Variants in NYAP2 observed in about 807,000 individuals in gnomAD.
NYAP2 encodes neuronal tyrosine-phosphorylated phosphoinositide-3-kinase adaptor 2, also known as neuronal tyrosine-phosphorylated phosphoinositide-3-kinase adapter 2.
In NYAP2, 23 loss-of-function variants were observed where a neutral mutation model predicts 50.4. That is an observed-to-expected ratio of 0.46 (90% CI 0.33 to 0.65). NYAP2 has a LOEUF of 0.65. NYAP2 is among the 30% of genes least tolerant of loss of function. The pLI is 0.02. For synonymous variants in NYAP2, 394 were observed against 365.2 expected, an observed-to-expected ratio of 1.08 and a Z score of -0.90; for missense variants, 885 against 861.0, an observed-to-expected ratio of 1.03 and a Z score of -0.35.
intron 5 of NYAP2, among the ~76,000 whole-genome samples, chr2:225,608,727 C>A (rs1233663837): frequency 6.6e-6 from 1 of 152,074 alleles, no homozygotes; most frequent in Non-Finnish European, 1.5e-5. Context: ...ACTTTCTCTA[C>A]CACACAGTGA....
chr2:225,664,041 C>T, the NYAP2 span, among the ~76,000 whole-genome samples: 1 of 152,230 alleles, frequency 6.6e-6, no homozygotes. Context: ...CCTTCTCTGT[C>T]TCTTCCCTGT....
rs535696722 is a variant in NYAP2 at position 225,479,066 on chromosome 2, G to C, written c.222-34305G>C. 7.2e-5 allele frequency among the ~76,000 whole-genome samples: 11 copies of C among 152,238 alleles called. No individual in the cohort carries two copies. In the South Asian group the frequency reaches 1.0e-3, roughly 14 times the overall value. On this transcript the variant is annotated intron_variant, in intron 3 of 6. Coordinates refer to ENST00000636099, the Ensembl canonical transcript of NYAP2. ...TAGCAGATGTGATTGAATATTGAGG[G>C]AGAAAAATATGTTCATATGTGACTT... is the stretch of plus-strand genomic sequence containing the variant.
At chr2:225,506,600 T>C (rs1690711422) in intron 3 of NYAP2, among the ~76,000 whole-genome samples, 1 of 152,156 alleles carries the variant, frequency 6.6e-6, no homozygotes, top group South Asian at 2.1e-4. Context: ...GGATGTTCAG[T>C]AGGCAGCACA....
chr2:225,644,079 A>G (rs1386716924), intron 6 of NYAP2, among the ~76,000 whole-genome samples: 4 of 149,666 alleles, frequency 2.7e-5, no homozygotes, highest in South Asian at 2.1e-4. Flanking sequence ...AAGTGTTCCT[A>G]TTTCTCCACA....
chr2:225,431,435 A>T (rs574400986), intron 3 of NYAP2, among the ~76,000 whole-genome samples: 2 of 152,304 alleles, frequency 1.3e-5, no homozygotes, highest in South Asian at 4.1e-4. Flanking sequence ...AAGGCAGCAG[A>T]TTTTACAAAC....
At chr2:225,652,208 C>T (rs1308874775) in exon 7 of NYAP2, 1 of 151,960 alleles carries the variant, frequency 6.6e-6, no homozygotes, top group Non-Finnish European at 1.5e-5. Flanking sequence ...TTTGACTGGC[C>T]AGACAAATTG....
chr2:225,649,924 G>A (rs907276089), intron 6 of NYAP2, among the ~76,000 whole-genome samples: 1 of 152,188 alleles, frequency 6.6e-6, no homozygotes, highest in Non-Finnish European at 1.5e-5. Flanking sequence ...TCCAAACCTT[G>A]TTTATTGTCT....
At chr2:225,572,883 TG>T (rs1395408896) in intron 4 of NYAP2, among the ~76,000 whole-genome samples, 1 of 152,182 alleles carries the variant, frequency 6.6e-6, no homozygotes, top group Non-Finnish European at 1.5e-5. Flanking sequence ...TCCATCCTTG[TG>T]GCTGGCGACC....
intron 5 of NYAP2, among the ~76,000 whole-genome samples, chr2:225,622,553 C>CTT (rs762567899): frequency 2.5e-5 from 1 of 40,756 alleles, no homozygotes; most frequent in Admixed American, 3.3e-4. Context: ...TTCTTTCTTT[C>CTT]TTTCTTTTTC....
chr2:225,572,125 C>A (rs568728411), intron 4 of NYAP2, among the ~76,000 whole-genome samples: 43 of 152,206 alleles, frequency 2.8e-4, no homozygotes, highest in Non-Finnish European at 5.4e-4. Context: ...GCATTTGGGT[C>A]AAAACCATTC....
intron 2 of NYAP2, among the ~76,000 whole-genome samples, chr2:225,406,457 A>G (rs980626209): frequency 6.6e-6 from 1 of 151,986 alleles, no homozygotes; most frequent in Non-Finnish European, 1.5e-5. Flanking sequence ...AGTCACAAGT[A>G]TTGCAATTAT....
chr2:225,473,684 A>G (rs1384798207), intron 3 of NYAP2, among the ~76,000 whole-genome samples: 3 of 151,928 alleles, frequency 2.0e-5, no homozygotes, highest in African/African-American at 7.3e-5. Context: ...AATTTGTTTG[A>G]GTTCTTTGTA....
In NYAP2 at chr2:225,511,367, C is replaced by G. The variant is rs868646030; in HGVS notation, c.222-2004C>G. On this transcript the variant is annotated intron_variant, in intron 3 of 6. Transcript: ENST00000636099. ...ACACACACACACACACACACACACA[C>G]ACACACAGAGAGAGAGAGAGAGAGA... Among the ~76,000 whole-genome samples, 390 of 136,968 alleles carry G rather than the reference C, an allele frequency of 2.8e-3. 1 individual carries two copies. The highest frequency in any genetic ancestry group is 6.5e-3 in the African/African-American group (225 of 34,816). 89.9% of individuals were successfully genotyped at this position (136,968 alleles called of 152,430 possible). A position where few individuals can be genotyped will look rare whatever the true frequency, so the allele number is the denominator to read the frequency against.
At chr2:225,692,020 T>C in the NYAP2 span, among the ~76,000 whole-genome samples, 1 of 152,132 alleles carries the variant, frequency 6.6e-6, no homozygotes, top group Non-Finnish European at 1.5e-5. Context: ...GCTGTGCCTA[T>C]TGTTCAAGAA....
chr2:225,686,006 T>C, the NYAP2 span, among the ~76,000 whole-genome samples: 2 of 152,144 alleles, frequency 1.3e-5, no homozygotes, highest in Non-Finnish European at 2.9e-5. Flanking sequence ...TTTCTTGTAG[T>C]TTTACCCGTA....
intron 4 of NYAP2, among the ~76,000 whole-genome samples, chr2:225,569,277 C>A (rs1692022471): frequency 6.6e-6 from 1 of 152,166 alleles, no homozygotes; most frequent in Non-Finnish European, 1.5e-5. Flanking sequence ...TTCAGTCTTT[C>A]TTTTTGCAAT....
At chr2:225,675,859 T>G in the NYAP2 span, among the ~76,000 whole-genome samples, 1 of 152,182 alleles carries the variant, frequency 6.6e-6, no homozygotes, top group East Asian at 1.9e-4. Context: ...AGATGGTAAC[T>G]CATCATGGTT....
intron 4 of NYAP2, among the ~76,000 whole-genome samples, chr2:225,554,597 C>G (rs1336054406): frequency 1.3e-5 from 2 of 152,026 alleles, no homozygotes; most frequent in Non-Finnish European, 2.9e-5. Context: ...GCTGGGATTA[C>G]AGGTGTGAGC....
intron 5 of NYAP2, among the ~76,000 whole-genome samples, chr2:225,596,927 A>G (rs1692609670): frequency 6.6e-6 from 1 of 152,212 alleles, no homozygotes; most frequent in Admixed American, 6.5e-5. Flanking sequence ...GTTAATTTTC[A>G]GAAGATGAAA....
Sources: gnomAD v4.1 joint callset for allele counts (sites outside exome capture counted in the v4.1 genomes callset) on GRCh38, gnomAD v4.1.1 for gene constraint, MANE v1.5 for transcripts, NCBI Gene and HGNC (gene_info 2026-07-23, HGNC 2026-07-21) for gene names.